CDK13: variants seen among roughly 807,000 people sequenced by gnomAD.
The protein encoded by CDK13 is cyclin-dependent kinase 13.
In CDK13, 40 loss-of-function variants were observed where a neutral mutation model predicts 137.6. The observed-to-expected ratio is 0.29, with a 90% confidence interval of 0.23 to 0.38. The LOEUF is 0.38. CDK13 is among the 10% of genes least tolerant of loss of function. The pLI is 1.00. For missense variants in CDK13, 1,704 were observed against 1,951.8 expected (o/e 0.87, Z 2.39); for synonymous variants, 869 against 760.1 (o/e 1.14, Z -2.36).
intron 5 of CDK13, among the ~76,000 whole-genome samples, chr7:40,039,690 C>T (rs1365573491): frequency 2.0e-5 from 3 of 152,006 alleles, no homozygotes; most frequent in Non-Finnish European, 4.4e-5. Flanking sequence ...CCTCAGCCTC[C>T]CAAAGTACTG....
chr7:39,951,528 C>G lies in CDK13; in HGVS notation c.887C>G (p.Pro296Arg). 1 of 1,531,422 alleles carries G rather than the reference C, an allele frequency of 6.5e-7. No individual in the cohort carries two copies. Among genetic ancestry groups the G allele is most frequent in the East Asian group, 2.6e-5 (1 of 38,608 alleles). 94.9% of individuals were successfully genotyped at this position (1,531,422 alleles called of 1,614,324 possible). Residue 296 changes from proline to arginine, a missense_variant, in exon 1 of 14, where the codon CCG (proline) becomes CGG (arginine). This residue lies in a region of CDK13 where 1,051 missense variants were observed against 931.0 expected (regional missense o/e 1.13). Coordinates refer to ENST00000181839, the MANE Select transcript of CDK13 (RefSeq NM_003718.5). ...GAGCCGCCTTCGGCCTACAAGGAAC[C>G]GCCCAAGGCCTACCGGGAGGACAAG... is the stretch of plus-strand genomic sequence containing the variant. ...SKEPPSAYKE[P>R]PKAYREDKTE...
intron 5 of CDK13, among the ~76,000 whole-genome samples, chr7:40,033,468 A>C (rs1438238463): frequency 6.6e-6 from 1 of 152,176 alleles, no homozygotes; most frequent in East Asian, 1.9e-4. Context: ...TTTCATTGAA[A>C]GTCAGAGATA....
At chr7:40,084,992 A>G (rs1280092363) in intron 11 of CDK13, among the ~76,000 whole-genome samples, 2 of 152,228 alleles carry the variant, frequency 1.3e-5, no homozygotes, top group African/African-American at 4.8e-5. Flanking sequence ...AGTAACCTGT[A>G]CTATTTTAGC....
intron 1 of CDK13, among the ~76,000 whole-genome samples, chr7:39,955,392 CATGGATTTTGGTTACAATATGAAG>C (rs1441610831): frequency 6.6e-6 from 1 of 152,048 alleles, no homozygotes; most frequent in Non-Finnish European, 1.5e-5. Flanking sequence ...TATTAAAGAG[CATGGATTTTGGTTACAATATGAAG>C]GTGGATTTTG....
chr7:40,044,116 C>CT (rs1477841381), intron 5 of CDK13, among the ~76,000 whole-genome samples: 8 of 151,850 alleles, frequency 5.3e-5, no homozygotes, highest in African/African-American at 1.7e-4. Flanking sequence ...AGGCTGGTCT[C>CT]TAACTCCTGA....
intron 2 of CDK13, among the ~76,000 whole-genome samples, chr7:39,994,469 T>C (rs1784522537): frequency 6.6e-6 from 1 of 152,134 alleles, no homozygotes; most frequent in Admixed American, 6.5e-5. Flanking sequence ...TTAACTGTTG[T>C]AGTGTCTTTA....
chr7:40,069,945 T>A (rs1368015433), intron 9 of CDK13: 1 of 151,218 alleles, frequency 6.6e-6, no homozygotes, highest in Non-Finnish European at 1.5e-5. Context: ...CCGGGCACAG[T>A]GGCTCATGCC....
intron 7 of CDK13, among the ~76,000 whole-genome samples, chr7:40,052,562 T>C (rs1562750836): frequency 6.6e-6 from 1 of 152,102 alleles, no homozygotes; most frequent in Non-Finnish European, 1.5e-5. Context: ...CATTTCCATA[T>C]GATGATCCAG....
chr7:39,995,207 A>T (rs1217923823), intron 2 of CDK13, among the ~76,000 whole-genome samples: 1 of 152,132 alleles, frequency 6.6e-6, no homozygotes, highest in African/African-American at 2.4e-5. Context: ...ATTATGTAAC[A>T]TTGTTCTTGG....
rs1477217767 is a variant in CDK13 at position 40,098,166 on chromosome 7, T to C, written c.*3186T>C. ...AAATCAAACAACTGGAATAGCTGTT[T>C]GATATCACTTAAAAGTGATAAAATT... On this transcript the variant is annotated 3_prime_UTR_variant, in exon 14 of 14. Coordinates refer to ENST00000181839, the MANE Select transcript of CDK13 (RefSeq NM_003718.5). 2.6e-5 allele frequency: 4 copies of C among 152,086 alleles called. No individual in the cohort carries two copies. Among genetic ancestry groups the C allele is most frequent in the Non-Finnish European group, 4.4e-5 (3 of 67,972 alleles). 9.4% of individuals were successfully genotyped at this position (152,086 alleles called of 1,614,324 possible).
At chr7:39,992,114 C>T in intron 2 of CDK13, among the ~76,000 whole-genome samples, 1 of 123,968 alleles carries the variant, frequency 8.1e-6, no homozygotes, top group South Asian at 2.1e-4. Context: ...CGCACACACA[C>T]ACACAAGCAC....
intron 11 of CDK13, among the ~76,000 whole-genome samples, chr7:40,087,834 C>A (rs926587240): frequency 3.2e-4 from 49 of 152,212 alleles, no homozygotes; most frequent in African/African-American, 1.2e-3. Context: ...CAGGCATGCC[C>A]AGCATAGTAG....
chr7:40,077,950 G>A, intron 9 of CDK13, 55 bp from the exon 10 acceptor site: 1 of 715,996 alleles, frequency 1.4e-6, no homozygotes, highest in Non-Finnish European at 2.3e-6. Flanking sequence ...TATAACAGTT[G>A]TATGTATTCT....
intron 5 of CDK13, among the ~76,000 whole-genome samples, chr7:40,024,751 C>T (rs1275018893): frequency 6.7e-6 from 1 of 149,544 alleles, no homozygotes; most frequent in African/African-American, 2.5e-5. Context: ...GCAGCCTCCG[C>T]CTCCCGGGTT....
intron 5 of CDK13, among the ~76,000 whole-genome samples, chr7:40,039,607 T>A (rs1159014376): frequency 1.3e-5 from 2 of 151,864 alleles, no homozygotes; most frequent in African/African-American, 4.8e-5. Context: ...AATTTTTGTA[T>A]TTTTAGTAGA....
intron 11 of CDK13, among the ~76,000 whole-genome samples, chr7:40,086,442 C>T (rs1008876113): frequency 3.3e-5 from 5 of 152,196 alleles, no homozygotes; most frequent in Non-Finnish European, 7.3e-5. Flanking sequence ...ATTCACCTTT[C>T]TAAGCCTCAA....
intron 11 of CDK13, among the ~76,000 whole-genome samples, chr7:40,083,447 C>T (rs1238075108): frequency 1.3e-5 from 2 of 152,114 alleles, no homozygotes; most frequent in Admixed American, 6.6e-5. Flanking sequence ...TGTTTCTTTT[C>T]ACAGCACATT....
At chr7:40,089,723 A>AGAGAGTGTGTGT (rs1491307176) in intron 12 of CDK13, among the ~76,000 whole-genome samples, 1 of 125,154 alleles carries the variant, frequency 8.0e-6, no homozygotes, top group Non-Finnish European at 1.5e-5. Flanking sequence ...AGAGAGAGAG[A>AGAGAGTGTGTGT]GTGTGTGTGT....
Position 40,053,396 on chromosome 7 carries a change from T to C in CDK13, c.2600+5519T>C, listed in dbSNP as rs1291464143. On this transcript the variant is annotated intron_variant, in intron 7 of 13. Coordinates refer to ENST00000181839, the MANE Select transcript of CDK13 (RefSeq NM_003718.5). ...GTCACCTCATATAGGCCATTGTAAATAGAATTGTATTGGTTTTTCTGTCCT... is the reference window on the plus strand; with the variant it reads ...GTCACCTCATATAGGCCATTGTAAACAGAATTGTATTGGTTTTTCTGTCCT... Among the ~76,000 whole-genome samples, 3 of 152,202 alleles carry C rather than the reference T, an allele frequency of 2.0e-5. No individual in the cohort carries two copies. The East Asian group carries it at 5.8e-4, about 29-fold the overall frequency.
Sources: gnomAD v4.1 joint callset for allele counts (sites outside exome capture counted in the v4.1 genomes callset) on GRCh38, gnomAD v4.1.1 for gene constraint, gnomAD v4.1.1 regional missense constraint, MANE v1.5 for transcripts, NCBI Gene and HGNC (gene_info 2026-07-23, HGNC 2026-07-21) for gene names.